ZNRF1: variants seen among roughly 807,000 people sequenced by gnomAD.
The protein encoded by ZNRF1 is zinc and ring finger 1.
In ZNRF1, 3 loss-of-function variants were observed where a neutral mutation model predicts 18.4. The observed-to-expected ratio is 0.16, with a 90% CI of 0.07 to 0.42. The LOEUF (loss-of-function observed/expected upper bound fraction) is 0.42. Ranked by LOEUF, ZNRF1 falls within the 10% of genes least tolerant of loss-of-function variation. The pLI is 0.99. For synonymous variants in ZNRF1, 157 were observed against 144.2 expected (o/e 1.09, Z -0.64); for missense variants, 310 against 329.8 (o/e 0.94, Z 0.47).
chr16:75,084,017 G>A (rs1206394989), intron 1 of ZNRF1, among the ~76,000 whole-genome samples: 1 of 152,202 alleles, frequency 6.6e-6, no homozygotes, highest in Non-Finnish European at 1.5e-5. Flanking sequence ...AGGTCAAGAG[G>A]TGGGACTCTG....
chr16:75,082,143 A>G lies in ZNRF1; in HGVS notation c.425-11429A>G, dbSNP rs182391414. 1.0e-3 allele frequency among the ~76,000 whole-genome samples: 159 copies of G among 152,144 alleles called. 2 individuals are homozygous for G. The highest frequency in any genetic ancestry group is 3.6e-3 in the African/African-American group (150 of 41,496). ...GCAATCCTCCTGCCTCAGCCTCCCA[A>G]AGTGTTGGAATTACAAGTGTGAGCC... On this transcript the variant is annotated intron_variant, in intron 1 of 4. Coordinates refer to ENST00000335325, the MANE Select transcript of ZNRF1 (RefSeq NM_032268.5).
intron 2 of ZNRF1, 34 bp from the exon 3 acceptor site, chr16:75,104,750 A>C: frequency 1.3e-6 from 2 of 1,558,850 alleles, no homozygotes; most frequent in Non-Finnish European, 1.7e-6. Flanking sequence ...ACTGGTGACT[A>C]ACCCTCCTGC....
rs942798325 is a variant in ZNRF1, at chr16:75,107,742, G to A, written c.*42G>A. 3.1e-5 allele frequency: 14 copies of A among 456,324 alleles called. No individual in the cohort carries two copies. Among genetic ancestry groups the A allele is most frequent in the African/African-American group, 1.6e-4 (8 of 50,058 alleles). The allele number at this position is 456,324 out of a possible 1,614,324, so 28.3% of individuals were successfully genotyped here. ...ATTACGGTCCACACAGGGACAGAGC[G>A]CCCCTGCTCCAGGGAGGAGGCTCAC... On this transcript the variant is annotated 3_prime_UTR_variant, in exon 5 of 5. Transcript: ENST00000335325.
chr16:75,056,250 A>G (rs1005713758), intron 1 of ZNRF1, among the ~76,000 whole-genome samples: 17 of 152,234 alleles, frequency 1.1e-4, no homozygotes, highest in Admixed American at 6.5e-4. Flanking sequence ...GTTTCATTCT[A>G]TTCAGCCCAG....
At chr16:75,060,440 G>GAAAT (rs979009441) in intron 1 of ZNRF1, among the ~76,000 whole-genome samples, 2 of 143,986 alleles carry the variant, frequency 1.4e-5, no homozygotes, top group African/African-American at 5.1e-5. Flanking sequence ...CAATGACCAT[G>GAAAT]AAATCCACCC....
rs147777708 is a variant in ZNRF1 at position 75,107,593 on chromosome 16, A to T, written c.*33-140A>T. 6.0e-5 allele frequency: 24 copies of T among 401,724 alleles called. 1 individual carries two copies. In the East Asian group the frequency reaches 1.7e-3, roughly 29 times the overall value. 24.9% of individuals were successfully genotyped at this position (401,724 alleles called of 1,614,324 possible). ...AACCTGCCCAGGCACATGGCTGCAAATTCCCCGTGTGCTGTTTGGCTTCTG... is the reference window on the plus strand; with the variant it reads ...AACCTGCCCAGGCACATGGCTGCAATTTCCCCGTGTGCTGTTTGGCTTCTG... On this transcript the variant is annotated intron_variant, in intron 4 of 4. Transcript: ENST00000335325.
chr16:75,040,594 G>A (rs375542478), intron 1 of ZNRF1, among the ~76,000 whole-genome samples: 1 of 113,462 alleles, frequency 8.8e-6, no homozygotes, highest in Non-Finnish European at 1.8e-5. Context: ...TTTGTTTTTT[G>A]TGGGTTTTTT....
chr16:75,000,203 T>G (rs573048215), intron 1 of ZNRF1, 108 bp downstream of exon 1: 154 of 1,450,564 alleles, frequency 1.1e-4, no homozygotes, highest in Admixed American at 9.1e-4. Flanking sequence ...GGGATCTGTC[T>G]GCATTCCCTT....
At chr16:75,058,295 C>A (rs919841331) in intron 1 of ZNRF1, among the ~76,000 whole-genome samples, 13 of 152,040 alleles carry the variant, frequency 8.6e-5, no homozygotes, top group African/African-American at 2.4e-5. Context: ...GCGTTTAGAT[C>A]TGAGGAGCGC....
At position 75,000,235 on chromosome 16, in the gene ZNRF1, A is replaced by G. The variant is rs6564195; in HGVS notation, c.424+140A>G. 1,225,262 of 1,238,294 alleles carry G rather than the reference A, an allele frequency of 0.99. 607,092 individuals carry two copies. Among genetic ancestry groups the G allele is most frequent in the East Asian group, 1 (39,526 of 39,526 alleles). The allele number at this position is 1,238,294 out of a possible 1,614,324, so 76.7% of individuals were successfully genotyped here. A position where few individuals can be genotyped will look rare whatever the true frequency, so the allele number is the denominator to read the frequency against. The stretch of plus-strand genomic sequence containing the variant: ...CCTTTGGTTCCCGATGCCAAGGGAT[A>G]AATGGGATACCTACCGTCTGGAAAC... On this transcript the variant is annotated intron_variant, in intron 1 of 4. Transcript: ENST00000335325.
chr16:75,074,018 C>T lies in ZNRF1; in HGVS notation c.425-19554C>T, dbSNP rs145532702. On this transcript the variant is annotated intron_variant, in intron 1 of 4. Coordinates refer to ENST00000335325, the MANE Select transcript of ZNRF1 (RefSeq NM_032268.5). Reference sequence around the variant, plus strand: ...CTCTAGAATCTTGCAGTGCTACCACCCGGAGAGCAGAGATAAAGATTGGGA... The same window carrying T: ...CTCTAGAATCTTGCAGTGCTACCACTCGGAGAGCAGAGATAAAGATTGGGA... Among the ~76,000 whole-genome samples the T allele has an allele frequency of 4.1e-3, 629 of 152,126 alleles. 3 individuals are homozygous for T. Among genetic ancestry groups the T allele is most frequent in the African/African-American group, 0.015 (604 of 41,468 alleles).
chr16:75,031,038 A>G (rs2145349518), intron 1 of ZNRF1, among the ~76,000 whole-genome samples: 1 of 151,516 alleles, frequency 6.6e-6, no homozygotes, highest in East Asian at 1.9e-4. Flanking sequence ...GGGTTTCACC[A>G]CATTAACCAG....
At chr16:75,031,079 G>A (rs1434317335) in intron 1 of ZNRF1, among the ~76,000 whole-genome samples, 7 of 150,282 alleles carry the variant, frequency 4.7e-5, no homozygotes, top group East Asian at 3.9e-4. Context: ...CTCATGATCC[G>A]CCCACCTCAG....
At chr16:75,102,961 G>A (rs1037069910) in intron 2 of ZNRF1, among the ~76,000 whole-genome samples, 2 of 152,072 alleles carry the variant, frequency 1.3e-5, no homozygotes, top group Non-Finnish European at 2.9e-5. Flanking sequence ...AGAATCTCCC[G>A]TCCCCACCCC....
chr16:75,004,372 G>T (rs943440494), intron 1 of ZNRF1, among the ~76,000 whole-genome samples: 19 of 152,236 alleles, frequency 1.2e-4, no homozygotes, highest in Admixed American at 1.2e-3. Flanking sequence ...TCTTTCGGTA[G>T]TTCTGTTTGT....
intron 1 of ZNRF1, among the ~76,000 whole-genome samples, chr16:75,093,151 G>A (rs1007941949): frequency 6.6e-6 from 1 of 152,308 alleles, no homozygotes; most frequent in Admixed American, 6.5e-5. Context: ...TTGGGAGGCC[G>A]AGGCGGGTGA....
At chr16:75,002,527 G>C (rs2145312352) in intron 1 of ZNRF1, among the ~76,000 whole-genome samples, 1 of 152,330 alleles carries the variant, frequency 6.6e-6, no homozygotes, top group Non-Finnish European at 1.5e-5. Flanking sequence ...ACAGTTGTCA[G>C]TGAAATACAT....
intron 3 of ZNRF1, 135 bp downstream of exon 3, chr16:75,105,024 A>T: frequency 1.4e-6 from 1 of 698,580 alleles, no homozygotes; most frequent in Non-Finnish European, 2.4e-6. Flanking sequence ...GTAAGGGCAG[A>T]GGCCATCAGA....
chr16:75,035,901 A>T (rs2035370663), intron 1 of ZNRF1, among the ~76,000 whole-genome samples: 1 of 152,186 alleles, frequency 6.6e-6, no homozygotes, highest in Non-Finnish European at 1.5e-5. Flanking sequence ...CTTAGTGCTC[A>T]TGCCTGAGCC....
Sources: allele counts gnomAD v4.1 joint callset (sites outside exome capture counted in the v4.1 genomes callset), GRCh38; gene constraint gnomAD v4.1.1; transcripts MANE v1.5; gene names NCBI Gene and HGNC (gene_info 2026-07-23, HGNC 2026-07-21).